Variants in NF2 observed in about 807,000 individuals in gnomAD.
NF2 encodes the protein NF2, moesin-ezrin-radixin like (MERLIN) tumor suppressor.
In NF2, 8 loss-of-function variants were observed where a neutral mutation model predicts 83.7. That is an observed-to-expected ratio of 0.10 (90% CI 0.06 to 0.17). The LOEUF (loss-of-function observed/expected upper bound fraction) is 0.17, where lower values mean the gene tolerates loss of function less well. Ranked by LOEUF, NF2 falls within the 10% of genes least tolerant of loss-of-function variation. NF2 has a pLI of 1.00. For synonymous variants in NF2, 266 were observed against 269.6 expected, an observed-to-expected ratio of 0.99 and a Z score of 0.13; for missense variants, 533 against 744.4, an observed-to-expected ratio of 0.72 and a Z score of 3.31.
rs543732038 is a variant in NF2, at chr22:29,674,288, C to T, written c.1341-548C>T. Among the ~76,000 whole-genome samples, 9 of 152,322 alleles carry T rather than the reference C, an allele frequency of 5.9e-5. No individual in the cohort carries two copies. The South Asian group carries it at 1.9e-3, about 32-fold the overall frequency. On this transcript the variant is annotated intron_variant, in intron 12 of 15. Transcript: ENST00000338641. ...GTTGGGCCAGGTCCCTGCACCAGGC[C>T]TCACATGCCGTGACCACCTGAGCCC...
chr22:29,649,779 CAAAAAAAA>C (rs567321314), intron 4 of NF2, among the ~76,000 whole-genome samples: 8 of 95,746 alleles, frequency 8.4e-5, no homozygotes, highest in Admixed American at 2.2e-4. Flanking sequence ...GCCACTGGTA[CAAAAAAAA>C]AAAAGAAAAA....
chr22:29,668,303 T>C, intron 9 of NF2, 30 bp from the exon 10 acceptor site: 2 of 1,561,410 alleles, frequency 1.3e-6, no homozygotes, highest in East Asian at 4.5e-5. Context: ...TTGTGGATAT[T>C]AACCTTTTTG....
Position 29,631,811 on chromosome 22 carries a change from C to T in NF2, c.115-4940C>T, listed in dbSNP as rs374927790. Among the ~76,000 whole-genome samples, 94 of 152,308 alleles carry T rather than the reference C, an allele frequency of 6.2e-4. 3 individuals are homozygous for T. The South Asian group carries it at 0.019, about 31-fold the overall frequency. On this transcript the variant is annotated intron_variant, in intron 1 of 15. Coordinates refer to ENST00000338641, the MANE Select transcript of NF2 (RefSeq NM_000268.4). ...TAATCCTTAGATCAATCTGCTAAGA[C>T]GAGTTCTGTTTATTATCCCCTTTGC...
intron 14 of NF2, 101 bp downstream of exon 14, chr22:29,678,424 C>G (rs2067033224): frequency 1.4e-6 from 2 of 1,381,132 alleles, no homozygotes; most frequent in Admixed American, 1.7e-5. Context: ...CTGCAGCAGC[C>G]TGTCATTACT....
chr22:29,681,472 G>A lies in NF2; in HGVS notation c.1608G>A (p.Gln536=). 1.2e-6 allele frequency: 2 copies of A among 1,614,182 alleles called. No individual in the cohort carries two copies. The highest frequency in any genetic ancestry group is 1.7e-6 in the Non-Finnish European group (2 of 1,180,044). The part of the protein sequence containing the change: ...VEYMEKSKHL[Q]EQLNELKTEI... ...ACATGGAAAAGAGCAAGCATCTGCA[G>A]GAGCAGCTCAATGAACTCAAGACAG... The change falls in exon 15 of 16, where the codon CAG becomes CAA. Residue 536 remains glutamine, a synonymous_variant. Coordinates refer to ENST00000338641, the MANE Select transcript of NF2 (RefSeq NM_000268.4).
At chr22:29,610,369 G>T (rs1370635550) in intron 1 of NF2, among the ~76,000 whole-genome samples, 3 of 152,022 alleles carry the variant, frequency 2.0e-5, no homozygotes, top group African/African-American at 7.2e-5. Flanking sequence ...AAGAGGCTGG[G>T]TGCAGTGGCT....
chr22:29,637,824 AGCATCTAAGT>A (rs2065689177), intron 2 of NF2, among the ~76,000 whole-genome samples: 2 of 152,180 alleles, frequency 1.3e-5, no homozygotes, highest in Admixed American at 1.3e-4. Flanking sequence ...AATGATCATG[AGCATCTAAGT>A]GCCACTGGGG....
In NF2 at chr22:29,636,506, C is replaced by T. The variant is rs1162260204; in HGVS notation, c.115-245C>T. ...TAGCAGCTTTGGAGATGTTAAAATC[C>T]GTAAGGAACTGTCCAAGGGATGTAT... On this transcript the variant is annotated intron_variant, in intron 1 of 15. Coordinates refer to ENST00000338641, the MANE Select transcript of NF2 (RefSeq NM_000268.4). This position sits in a 1 kb window ranked among gnomAD's most constrained non-coding sequence, Gnocchi z 4.4. Among the ~76,000 whole-genome samples the T allele has an allele frequency of 2.6e-5, 4 of 152,074 alleles. No individual in the cohort carries two copies. Among genetic ancestry groups the T allele is most frequent in the Non-Finnish European group, 4.4e-5 (3 of 68,014 alleles).
chr22:29,643,497 T>C (rs1197127345), intron 4 of NF2, among the ~76,000 whole-genome samples: 3 of 152,220 alleles, frequency 2.0e-5, no homozygotes, highest in Admixed American at 6.5e-5. Flanking sequence ...TGACTCTTAA[T>C]GAGCATGCTG....
intron 15 of NF2, among the ~76,000 whole-genome samples, chr22:29,682,680 G>C (rs116261845): frequency 6.6e-6 from 1 of 152,174 alleles, no homozygotes; most frequent in African/African-American, 2.4e-5. Flanking sequence ...GGGAGGCCTC[G>C]GTCATTAAGG....
chr22:29,696,088 T>TTG lies in NF2; in HGVS notation c.*1287_*1288insGT. The TTG allele has an allele frequency of 4.5e-6, 1 of 223,854 alleles. No homozygotes were observed. Among genetic ancestry groups the TTG allele is most frequent in the African/African-American group, 2.3e-5 (1 of 43,688 alleles). 13.9% of individuals were successfully genotyped at this position (223,854 alleles called of 1,614,324 possible). Reference sequence around the variant, plus strand: ...TTTCTTTTTTTTTTTTTTTTTTTTTTTCCGAGATGGAGTCTCTCTCTGTCA... The same window carrying TTG: ...TTTCTTTTTTTTTTTTTTTTTTTTTTTGTCCGAGATGGAGTCTCTCTCTGTCA... On this transcript the variant is annotated 3_prime_UTR_variant, in exon 16 of 16. Coordinates refer to ENST00000338641, the MANE Select transcript of NF2 (RefSeq NM_000268.4).
Position 29,681,660 on chromosome 22 carries a change from G to A in NF2, c.1737+59G>A, listed in dbSNP as rs1278482723. ...CAGGACCATCATTAATGAAATGTGC[G>A]GTTGGCATCTGGTTTCCTCAGTAGC... On this transcript the variant is annotated intron_variant, in intron 15 of 15. Transcript: ENST00000338641. The A allele has an allele frequency of 3.0e-5, 48 of 1,604,026 alleles. No homozygotes were observed. The East Asian group carries it at 5.6e-4, about 19-fold the overall frequency.
At chr22:29,639,241 C>T in intron 3 of NF2, 29 bp downstream of exon 3, 1 of 1,613,654 alleles carries the variant, frequency 6.2e-7, no homozygotes, top group Non-Finnish European at 8.5e-7. Context: ...CCCCCCAGTT[C>T]TGAGAGAACT....
At chr22:29,691,657 G>C (rs1481460858) in intron 15 of NF2, among the ~76,000 whole-genome samples, 1 of 152,244 alleles carries the variant, frequency 6.6e-6, no homozygotes, top group African/African-American at 2.4e-5. Context: ...AACAGCCAGT[G>C]AGCTTTCTAG....
At chr22:29,684,866 GTGACCGGGAC>G (rs2067233258) in intron 15 of NF2, among the ~76,000 whole-genome samples, 1 of 152,074 alleles carries the variant, frequency 6.6e-6, no homozygotes, top group Non-Finnish European at 1.5e-5. Flanking sequence ...CCTGTGGTCA[GTGACCGGGAC>G]TGATGAGCAG....
intron 1 of NF2, among the ~76,000 whole-genome samples, chr22:29,614,077 T>C (rs1288341590): frequency 1.3e-5 from 2 of 149,844 alleles, no homozygotes; most frequent in African/African-American, 4.9e-5. Context: ...TTTCAACAAA[T>C]GGAGCTGAGA....
chr22:29,691,813 G>T (rs1308890796), intron 15 of NF2, among the ~76,000 whole-genome samples: 2 of 152,244 alleles, frequency 1.3e-5, no homozygotes, highest in Non-Finnish European at 2.9e-5. Flanking sequence ...AACTGCCTGA[G>T]GGCAAATGGC....
chr22:29,636,636 C>T lies in NF2; in HGVS notation c.115-115C>T, dbSNP rs2065654206. 4 of 1,322,868 alleles carry T rather than the reference C, an allele frequency of 3.0e-6. No individual in the cohort carries two copies. The highest frequency in any genetic ancestry group is 2.4e-5 in the South Asian group (2 of 84,492). The allele number at this position is 1,322,868 out of a possible 1,614,324, so 81.9% of individuals were successfully genotyped here. A position where few individuals can be genotyped will look rare whatever the true frequency, so the allele number is the denominator to read the frequency against. On this transcript the variant is annotated intron_variant, in intron 1 of 15. Coordinates refer to ENST00000338641, the MANE Select transcript of NF2 (RefSeq NM_000268.4). The surrounding 1 kb of genome is among the most constrained non-coding windows in gnomAD (Gnocchi z 4.4). ...AATTATTTAGGAATTCAGTCCTCATCAGCTGTCTTAGTGTCATCCCCACGT... is the reference window on the plus strand; with the variant it reads ...AATTATTTAGGAATTCAGTCCTCATTAGCTGTCTTAGTGTCATCCCCACGT...
intron 1 of NF2, among the ~76,000 whole-genome samples, chr22:29,605,186 C>T (rs764982171): frequency 1.2e-4 from 17 of 146,260 alleles, no homozygotes; most frequent in African/African-American, 2.8e-4. Flanking sequence ...GACGGAGTCT[C>T]GCTCTGTCAC....
Sources: allele counts gnomAD v4.1 joint callset (sites outside exome capture counted in the v4.1 genomes callset), GRCh38; gene constraint gnomAD v4.1.1; non-coding constraint Gnocchi (gnomAD v3.1); transcripts MANE v1.5; gene names NCBI Gene and HGNC (gene_info 2026-07-23, HGNC 2026-07-21).